The following FOXP2 variants were observed in gnomAD, a reference collection of about 807,000 sequenced individuals.
FOXP2 encodes forkhead box protein P2.
FOXP2 carries 12 observed loss-of-function variants against 115.8 expected under a neutral mutation model. That is an observed-to-expected ratio of 0.10 (90% CI 0.07 to 0.17). The LOEUF (loss-of-function observed/expected upper bound fraction) is 0.17. FOXP2 is among the 10% of genes least tolerant of loss of function. FOXP2 has a pLI of 1.00. For missense variants in FOXP2, 629 were observed against 843.5 expected (o/e 0.75, Z 3.15); for synonymous variants, 328 against 297.7 (o/e 1.10, Z -1.05).
intron 2 of FOXP2, among the ~76,000 whole-genome samples, chr7:114,505,693 C>A (rs1228809062): frequency 1.3e-5 from 2 of 151,490 alleles, no homozygotes; most frequent in Non-Finnish European, 3.0e-5. Flanking sequence ...ATTTTTAAAA[C>A]CACGTCATAG....
chr7:114,262,327 G>T (rs1172494438), intron 1 of FOXP2, among the ~76,000 whole-genome samples: 1 of 152,050 alleles, frequency 6.6e-6, no homozygotes, highest in Non-Finnish European at 1.5e-5. Context: ...GATGGCTGAG[G>T]TGGGAGGATC....
upstream of FOXP2, among the ~76,000 whole-genome samples, chr7:114,160,648 A>T (rs756878011): frequency 1.9e-4 from 29 of 152,288 alleles, no homozygotes; most frequent in African/African-American, 6.7e-4. Flanking sequence ...TGTCATGTTG[A>T]TAGTGTGGTT....
At chr7:114,205,841 A>C (rs899817537) in intron 1 of FOXP2, among the ~76,000 whole-genome samples, 3 of 152,164 alleles carry the variant, frequency 2.0e-5, no homozygotes, top group Non-Finnish European at 2.9e-5. Context: ...GCTATTCTAG[A>C]AAGTCTCTCT....
At chr7:114,604,643 G>A (rs1274739448) in intron 3 of FOXP2, among the ~76,000 whole-genome samples, 1 of 152,130 alleles carries the variant, frequency 6.6e-6, no homozygotes, top group Non-Finnish European at 1.5e-5. Context: ...CAAACATTCT[G>A]GTTTGCCTAG....
At chr7:114,117,770 C>T (rs1791449620) in intron 1 of FOXP2, among the ~76,000 whole-genome samples, 1 of 152,032 alleles carries the variant, frequency 6.6e-6, no homozygotes, top group African/African-American at 2.4e-5. Context: ...TTATAAACAA[C>T]AAAAATGTAT....
chr7:114,364,637 A>T (rs1291594967), intron 2 of FOXP2, among the ~76,000 whole-genome samples: 1 of 152,314 alleles, frequency 6.6e-6, no homozygotes, highest in South Asian at 2.1e-4. Context: ...TATATTTGAC[A>T]AATAATGTGC....
chr7:114,162,822 T>C (rs1792878140), upstream of FOXP2: 1 of 152,108 alleles, frequency 6.6e-6, no homozygotes, highest in Non-Finnish European at 1.5e-5. Flanking sequence ...AGGCAATTCT[T>C]ATATTTCTGT....
chr7:114,182,791 A>G (rs1391184042), intron 1 of FOXP2, among the ~76,000 whole-genome samples: 2 of 152,098 alleles, frequency 1.3e-5, no homozygotes, highest in Admixed American at 6.6e-5. Flanking sequence ...TTATTATACT[A>G]CTAAAACAAG....
intron 2 of FOXP2, among the ~76,000 whole-genome samples, chr7:114,455,641 T>G (rs1795283704): frequency 1.3e-5 from 2 of 152,204 alleles, no homozygotes; most frequent in Non-Finnish European, 2.9e-5. Context: ...CATCTCTTAA[T>G]CAAACTATTA....
chr7:114,565,578 G>A (rs914201571), intron 3 of FOXP2, among the ~76,000 whole-genome samples: 5 of 152,122 alleles, frequency 3.3e-5, no homozygotes, highest in African/African-American at 1.2e-4. Context: ...TATTTTACAT[G>A]CTTAAGTTTG....
chr7:114,123,351 CAAAA>C (rs35721597), intron 1 of FOXP2, among the ~76,000 whole-genome samples: 1 of 78,404 alleles, frequency 1.3e-5, no homozygotes, highest in East Asian at 4.7e-4. Flanking sequence ...AAAGCCCTGT[CAAAA>C]AAAAAAAAAA....
Position 114,651,924 on chromosome 7 carries a change from A to G in FOXP2, c.1095-279A>G, listed in dbSNP as rs899494685. Among the ~76,000 whole-genome samples the G allele has an allele frequency of 5.3e-5, 8 of 152,188 alleles. No individual in the cohort carries two copies. The South Asian group carries it at 1.7e-3, about 31-fold the overall frequency. On this transcript the variant is annotated intron_variant, in intron 8 of 16. Coordinates refer to ENST00000350908, the MANE Select transcript of FOXP2 (RefSeq NM_014491.4). ...AAATGGCATAAATAATATGACTTCT[A>G]CTATAACTCTGTAAATGGTCTGGGG...
At chr7:114,136,316 G>A (rs1792037057) in intron 1 of FOXP2, among the ~76,000 whole-genome samples, 1 of 151,918 alleles carries the variant, frequency 6.6e-6, no homozygotes, top group Non-Finnish European at 1.5e-5. Flanking sequence ...TTACCCCATT[G>A]GAGAGCTGTA....
intron 1 of FOXP2, among the ~76,000 whole-genome samples, chr7:114,139,007 T>C (rs1261896669): frequency 6.6e-6 from 1 of 152,156 alleles, no homozygotes; most frequent in African/African-American, 2.4e-5. Flanking sequence ...ATTGGGTATA[T>C]GTTGTAGTTT....
intron 3 of FOXP2, among the ~76,000 whole-genome samples, chr7:114,553,210 C>T (rs1377095955): frequency 2.0e-5 from 3 of 152,136 alleles, no homozygotes; most frequent in Non-Finnish European, 4.4e-5. Flanking sequence ...CAAGTCTTAA[C>T]CTGTTACAAA....
At chr7:114,586,009 G>GGT (rs145404749) in intron 3 of FOXP2, among the ~76,000 whole-genome samples, 3 of 151,448 alleles carry the variant, frequency 2.0e-5, no homozygotes, top group East Asian at 3.9e-4. Context: ...GTTTGGTTGG[G>GGT]GTGTGTGTGT....
rs189700387 is a variant in FOXP2 at position 114,613,590 on chromosome 7, G to A, written c.259-14950G>A. ...CTCGGGAGGCTGAGGCAGGAGAATG[G>A]CATGAACCCGGGAGGCAGAGGTTGC... On this transcript the variant is annotated intron_variant, in intron 3 of 16. Coordinates refer to ENST00000350908, the MANE Select transcript of FOXP2 (RefSeq NM_014491.4). Among the ~76,000 whole-genome samples the A allele has an allele frequency of 5.3e-5, 8 of 151,350 alleles. No individual in the cohort carries two copies. The East Asian group carries it at 9.8e-4, about 18-fold the overall frequency.
intron 9 of FOXP2, among the ~76,000 whole-genome samples, chr7:114,653,022 A>G (rs895536088): frequency 3.9e-5 from 6 of 152,128 alleles, no homozygotes; most frequent in Admixed American, 3.9e-4. Flanking sequence ...ATTTCATCTT[A>G]AAGATGATCT....
rs757107445 is a variant in FOXP2 at position 114,693,221 on chromosome 7, C to T, written c.*3295C>T. The T allele has an allele frequency of 2.2e-6, 1 of 450,838 alleles. No homozygotes were observed. The highest frequency in any genetic ancestry group is 7.0e-5 in the East Asian group (1 of 14,384). 27.9% of individuals were successfully genotyped at this position (450,838 alleles called of 1,614,324 possible). ...CACTAACTGGGTTTTCTTTAGATAA[C>T]TCAGATATGGAGAAAATGTCATCAG... On this transcript the variant is annotated 3_prime_UTR_variant, in exon 17 of 17. Coordinates refer to ENST00000350908, the MANE Select transcript of FOXP2 (RefSeq NM_014491.4).
Sources: gnomAD v4.1 joint callset for allele counts (sites outside exome capture counted in the v4.1 genomes callset) on GRCh38, gnomAD v4.1.1 for gene constraint, MANE v1.5 for transcripts, NCBI Gene and HGNC (gene_info 2026-07-23, HGNC 2026-07-21) for gene names.